Variants in SMARCA2 observed in about 807,000 individuals in gnomAD.
SMARCA2 encodes SWI/SNF-related matrix-associated actin-dependent regulator of chromatin subfamily A member 2.
Under a neutral mutation model 199.8 loss-of-function variants are expected in SMARCA2, and 61 were observed. The observed-to-expected ratio is 0.31, with a 90% CI of 0.25 to 0.38. The LOEUF (loss-of-function observed/expected upper bound fraction) is 0.38. Ranked by LOEUF, SMARCA2 falls within the 10% of genes least tolerant of loss-of-function variation. SMARCA2 has a pLI of 1.00. For synonymous variants in SMARCA2, 935 were observed against 732.0 expected, an observed-to-expected ratio of 1.28 and a Z score of -4.48; for missense variants, 1,344 against 2,012.2, an observed-to-expected ratio of 0.67 and a Z score of 6.35.
At chr9:2,130,354 C>T (rs1410967883) in intron 27 of SMARCA2, among the ~76,000 whole-genome samples, 5 of 152,152 alleles carry the variant, frequency 3.3e-5, no homozygotes, top group African/African-American at 4.8e-5. Context: ...TCGGCCTTGT[C>T]GTGGCCGAGT....
intron 29 of SMARCA2, among the ~76,000 whole-genome samples, chr9:2,176,182 G>GTTTTTTTTTTTTTTTTTTTTTTTTTTT (rs56186732): frequency 1.9e-5 from 2 of 104,158 alleles, no homozygotes; most frequent in African/African-American, 7.5e-5. Flanking sequence ...CGCCCGGCCT[G>GTTTTTTTTTTTTTTTTTTTTTTTTTTT]TTTTTTTTTT....
intron 1 of SMARCA2, among the ~76,000 whole-genome samples, chr9:2,028,494 G>T (rs1348757609): frequency 6.6e-6 from 1 of 152,130 alleles, no homozygotes; most frequent in Non-Finnish European, 1.5e-5. Context: ...TCTCAAATTA[G>T]AAGATTGTAT....
chr9:2,022,841 A>G (rs769095947), intron 1 of SMARCA2, among the ~76,000 whole-genome samples: 2 of 152,186 alleles, frequency 1.3e-5, no homozygotes, highest in African/African-American at 2.4e-5. Flanking sequence ...ATTTGAAACT[A>G]ACTTTTTTTT....
chr9:2,137,445 G>A, intron 27 of SMARCA2, among the ~76,000 whole-genome samples: 1 of 152,076 alleles, frequency 6.6e-6, no homozygotes, highest in African/African-American at 2.4e-5. Context: ...TCATCTCTGG[G>A]TGGCTGCTCC....
chr9:2,091,063 A>G (rs1441367736), intron 19 of SMARCA2, among the ~76,000 whole-genome samples: 1 of 152,148 alleles, frequency 6.6e-6, no homozygotes, highest in African/African-American at 2.4e-5. Flanking sequence ...TTATGAAAAA[A>G]GAGCCATATA....
chr9:2,152,983 C>A (rs1029098970), intron 27 of SMARCA2, among the ~76,000 whole-genome samples: 1 of 152,020 alleles, frequency 6.6e-6, no homozygotes, highest in Admixed American at 6.5e-5. Flanking sequence ...GGTGAACTTA[C>A]CCACATAAAT....
At chr9:2,018,876 T>C (rs72687569) in intron 1 of SMARCA2, among the ~76,000 whole-genome samples, 12,439 of 152,272 alleles carry the variant, frequency 0.082, 677 homozygotes, top group East Asian at 0.23. Flanking sequence ...TTGGCCAGCA[T>C]TGGAGTTTTA....
At chr9:2,113,332 C>A (rs1013541299) in intron 24 of SMARCA2, among the ~76,000 whole-genome samples, 1 of 152,114 alleles carries the variant, frequency 6.6e-6, no homozygotes, top group African/African-American at 2.4e-5. Context: ...GGTTGGTACT[C>A]GTGTTTTTTA....
intron 32 of SMARCA2, among the ~76,000 whole-genome samples, chr9:2,189,891 A>T (rs1827758697): frequency 6.9e-6 from 1 of 145,610 alleles, no homozygotes; most frequent in African/African-American, 2.8e-5. Context: ...TCTACTTCAC[A>T]AAAGAAGTCT....
chr9:2,030,635 A>T (rs1185209604), intron 2 of SMARCA2, among the ~76,000 whole-genome samples: 1 of 151,800 alleles, frequency 6.6e-6, no homozygotes, highest in Non-Finnish European at 1.5e-5. Context: ...ATTCAGTCTA[A>T]CAATTCAAAT....
Position 2,061,000 on chromosome 9 carries a change from T to G in SMARCA2, c.1692+14T>G, listed in dbSNP as rs1820565582. 6.2e-7 allele frequency: 1 copy of G among 1,611,082 alleles called. No homozygotes were observed. The highest frequency in any genetic ancestry group is 1.7e-5 in the Admixed American group (1 of 59,706). ...AGGAGGAAGAAGGTGCGTATCCTAG[T>G]GGTGGTGGCTGAGTCCAGGGTGTAT... On this transcript the variant is annotated intron_variant, in intron 9 of 33. Transcript: ENST00000349721.
intron 27 of SMARCA2, among the ~76,000 whole-genome samples, chr9:2,141,503 T>G (rs1477592790): frequency 6.6e-6 from 1 of 152,082 alleles, no homozygotes; most frequent in Non-Finnish European, 1.5e-5. Context: ...TCCTATAAAT[T>G]TTATTTAATA....
chr9:2,072,970 T>TG, intron 10 of SMARCA2: 2 of 464,342 alleles, frequency 4.3e-6, no homozygotes, highest in Non-Finnish European at 3.9e-6. Flanking sequence ...ACCTTGGTGA[T>TG]GTATCTGGTT....
At chr9:2,133,712 A>C (rs7045927) in intron 27 of SMARCA2, among the ~76,000 whole-genome samples, 51,634 of 151,714 alleles carry the variant, frequency 0.34, 15,205 homozygotes, top group African/African-American at 0.8. Flanking sequence ...AAATGTAATT[A>C]TTCATTAAGA....
chr9:2,159,835 C>T (rs766308479), intron 27 of SMARCA2: 12 of 1,611,768 alleles, frequency 7.4e-6, no homozygotes, highest in African/African-American at 2.7e-5. Flanking sequence ...ACTAGCAGCT[C>T]GCTGCTTTGC....
chr9:2,065,762 A>G (rs991701305), intron 9 of SMARCA2, among the ~76,000 whole-genome samples: 2 of 152,204 alleles, frequency 1.3e-5, no homozygotes, highest in African/African-American at 4.8e-5. Flanking sequence ...TTTCCTCTAC[A>G]GGATTTTCAT....
intron 2 of SMARCA2, among the ~76,000 whole-genome samples, chr9:2,029,857 T>G (rs931169031): frequency 1.3e-5 from 2 of 152,272 alleles, no homozygotes; most frequent in Non-Finnish European, 2.9e-5. Flanking sequence ...AAGGTTGTAA[T>G]TATCCTTTAT....
At chr9:2,070,018 T>C (rs1268328393) in intron 9 of SMARCA2, among the ~76,000 whole-genome samples, 1 of 152,206 alleles carries the variant, frequency 6.6e-6, no homozygotes, top group African/African-American at 2.4e-5. Flanking sequence ...ATGTTGTTCT[T>C]CATTGCTGAA....
intron 27 of SMARCA2, among the ~76,000 whole-genome samples, chr9:2,150,353 G>A (rs1824999284): frequency 6.6e-6 from 1 of 151,640 alleles, no homozygotes; most frequent in African/African-American, 2.4e-5. Flanking sequence ...GGCTGTGCTT[G>A]TGCAGAGACC....
Sources: gnomAD v4.1 joint callset for allele counts (sites outside exome capture counted in the v4.1 genomes callset) on GRCh38, gnomAD v4.1.1 for gene constraint, MANE v1.5 for transcripts, NCBI Gene and HGNC (gene_info 2026-07-23, HGNC 2026-07-21) for gene names.